Variants in SLC4A10 observed in about 807,000 individuals in gnomAD.
The protein encoded by SLC4A10 is solute carrier family 4 member 10, also known as sodium-driven chloride bicarbonate exchanger.
Under a neutral mutation model 137.7 loss-of-function variants are expected in SLC4A10, and 42 were observed. The ratio of observed to expected loss-of-function variants is 0.30; its 90% CI spans 0.24 to 0.39. The LOEUF is 0.39. Ranked by LOEUF, SLC4A10 falls within the 10% of genes least tolerant of loss-of-function variation. SLC4A10 has a pLI of 1.00. For synonymous variants in SLC4A10, 474 were observed against 464.1 expected (o/e 1.02, Z -0.27); for missense variants, 925 against 1,355.0 (o/e 0.68, Z 4.98).
intron 1 of SLC4A10, among the ~76,000 whole-genome samples, chr2:161,688,764 G>T (rs1468910700): frequency 2.0e-5 from 3 of 152,098 alleles, no homozygotes; most frequent in African/African-American, 7.2e-5. Flanking sequence ...GGAAAATCAT[G>T]ATAACGTTTG....
chr2:161,786,093 G>A (rs1279436077), intron 2 of SLC4A10, among the ~76,000 whole-genome samples: 1 of 151,688 alleles, frequency 6.6e-6, no homozygotes, highest in Admixed American at 6.6e-5. Context: ...TTATAAATCT[G>A]GGTGGTCAGG....
At chr2:161,645,188 A>G (rs538230581) in intron 1 of SLC4A10, among the ~76,000 whole-genome samples, 21 of 151,510 alleles carry the variant, frequency 1.4e-4, no homozygotes, top group African/African-American at 5.1e-4. Context: ...TACTTTATTT[A>G]TTGACATCCA....
At chr2:161,691,746 T>C (rs2042023098) in intron 1 of SLC4A10, among the ~76,000 whole-genome samples, 1 of 152,244 alleles carries the variant, frequency 6.6e-6, no homozygotes, top group East Asian at 1.9e-4. Flanking sequence ...GAGGAGATAA[T>C]CTTGTAGAGG....
rs142216413 is a variant in SLC4A10, at chr2:161,670,798, C to A, written c.48+46232C>A. 6.6e-3 allele frequency among the ~76,000 whole-genome samples: 997 copies of A among 152,050 alleles called. 6 individuals are homozygous for A. The highest frequency in any genetic ancestry group is 0.023 in the African/African-American group (945 of 41,490). ...TTCTTTCTACTTCAGTATGACATTT[C>A]CTGTAGTCAGGAAATTAAATTCTCC... is the stretch of plus-strand genomic sequence containing the variant. On this transcript the variant is annotated intron_variant, in intron 1 of 26. Coordinates refer to ENST00000446997, the MANE Select transcript of SLC4A10 (RefSeq NM_001178015.2).
chr2:161,628,437 G>A (rs1290176353), intron 1 of SLC4A10, among the ~76,000 whole-genome samples: 1 of 151,958 alleles, frequency 6.6e-6, no homozygotes, highest in Non-Finnish European at 1.5e-5. Flanking sequence ...TTTAGAAAAT[G>A]CTAATTCCAT....
chr2:161,647,473 A>G (rs879733954), intron 1 of SLC4A10, among the ~76,000 whole-genome samples: 8 of 152,070 alleles, frequency 5.3e-5, no homozygotes, highest in Non-Finnish European at 8.8e-5. Flanking sequence ...TTTGATCAAT[A>G]TCTTAGATCA....
chr2:161,887,293 T>C (rs1051024968), intron 10 of SLC4A10, among the ~76,000 whole-genome samples: 3 of 152,198 alleles, frequency 2.0e-5, no homozygotes, highest in African/African-American at 7.2e-5. Context: ...AACGTATCTT[T>C]ATAGTAGAAT....
At chr2:161,754,467 T>G (rs1293672726) in intron 1 of SLC4A10, among the ~76,000 whole-genome samples, 1 of 152,204 alleles carries the variant, frequency 6.6e-6, no homozygotes, top group African/African-American at 2.4e-5. Flanking sequence ...TCTGAGACAT[T>G]GTTCTCATAT....
chr2:161,808,233 AT>A (rs1473631588), intron 3 of SLC4A10, among the ~76,000 whole-genome samples: 1 of 152,102 alleles, frequency 6.6e-6, no homozygotes, highest in East Asian at 1.9e-4. Context: ...TCAAATATTC[AT>A]TAAGCATATT....
Position 161,974,152 on chromosome 2 carries a change from G to A in SLC4A10, c.3160-97G>A, listed in dbSNP as rs1276600023. ...TGCAAACAGAGTGGAAGGTCTTGAGGTTAATGAGATAATGAAACATTAATC... is the reference window on the plus strand; with the variant it reads ...TGCAAACAGAGTGGAAGGTCTTGAGATTAATGAGATAATGAAACATTAATC... On this transcript the variant is annotated intron_variant, in intron 23 of 26. Transcript: ENST00000446997. 5.9e-6 allele frequency: 6 copies of A among 1,011,740 alleles called. No homozygotes were observed. In the East Asian group the frequency reaches 7.9e-5, roughly 13 times the overall value. 62.7% of individuals were successfully genotyped at this position (1,011,740 alleles called of 1,614,324 possible). A position where few individuals can be genotyped will look rare whatever the true frequency, so the allele number is the denominator to read the frequency against.
intron 2 of SLC4A10, among the ~76,000 whole-genome samples, chr2:161,785,550 C>T (rs561284849): frequency 6.1e-4 from 92 of 151,594 alleles, no homozygotes; most frequent in African/African-American, 2.2e-3. Flanking sequence ...CAATGGATAC[C>T]CTGGGCTGGG....
intron 1 of SLC4A10, among the ~76,000 whole-genome samples, chr2:161,664,452 A>G (rs1187147621): frequency 6.6e-6 from 1 of 151,938 alleles, no homozygotes; most frequent in Non-Finnish European, 1.5e-5. Context: ...AATCAGATAT[A>G]ATGACACATG....
Position 161,640,593 on chromosome 2 carries a change from TTTCCTTCC to T in SLC4A10, c.48+16087_48+16094del, listed in dbSNP as rs1245696506. 7.6e-3 allele frequency among the ~76,000 whole-genome samples: 908 copies of T among 119,284 alleles called. 13 individuals carry two copies. The highest frequency in any genetic ancestry group is 0.022 in the African/African-American group (666 of 30,798). The allele number at this position is 119,284 out of a possible 152,430, so 78.3% of individuals were successfully genotyped here. A position where few individuals can be genotyped will look rare whatever the true frequency, so the allele number is the denominator to read the frequency against. On this transcript the variant is annotated intron_variant, in intron 1 of 26. Coordinates refer to ENST00000446997, the MANE Select transcript of SLC4A10 (RefSeq NM_001178015.2). ...CTCTATGAAGTAAGCTTTCTCTTTC[TTTCCTTCC>T]TTCCTTCCTTCCTTCCTTCCTTCCT...
At chr2:161,978,194 C>T (rs1023609834) in intron 26 of SLC4A10, among the ~76,000 whole-genome samples, 4 of 151,668 alleles carry the variant, frequency 2.6e-5, no homozygotes, top group South Asian at 2.1e-4. Flanking sequence ...AGACAAGCTT[C>T]GTCAACATGG....
chr2:161,714,690 G>A (rs1270487225), intron 1 of SLC4A10, among the ~76,000 whole-genome samples: 1 of 151,890 alleles, frequency 6.6e-6, no homozygotes, highest in Non-Finnish European at 1.5e-5. Flanking sequence ...AAGGAGCTAG[G>A]GCTCCAGAGC....
chr2:161,718,462 A>T (rs939289802), intron 1 of SLC4A10, among the ~76,000 whole-genome samples: 1 of 152,180 alleles, frequency 6.6e-6, no homozygotes, highest in Non-Finnish European at 1.5e-5. Context: ...CCCTCTTAAC[A>T]CTGCTTTAGC....
At position 161,669,190 on chromosome 2, in the gene SLC4A10, A is replaced by G. The variant is rs556913601; in HGVS notation, c.48+44624A>G. 3.5e-4 allele frequency among the ~76,000 whole-genome samples: 53 copies of G among 151,984 alleles called. 2 individuals carry two copies. In the South Asian group the frequency reaches 0.011, roughly 31 times the overall value. On this transcript the variant is annotated intron_variant, in intron 1 of 26. Coordinates refer to ENST00000446997, the MANE Select transcript of SLC4A10 (RefSeq NM_001178015.2). The stretch of plus-strand genomic sequence containing the variant: ...TAGCCCACTAGTTTGACTGTCTTTT[A>G]TTTTTACGAAGAAACAGCTAAATTC...
At chr2:161,732,238 T>TG (rs1430668870) in intron 1 of SLC4A10, among the ~76,000 whole-genome samples, 3 of 152,196 alleles carry the variant, frequency 2.0e-5, no homozygotes, top group Non-Finnish European at 2.9e-5. Context: ...CCCCAGAGGT[T>TG]GGGGGGTGGA....
intron 1 of SLC4A10, among the ~76,000 whole-genome samples, chr2:161,764,106 A>G (rs964506841): frequency 1.3e-5 from 2 of 152,184 alleles, no homozygotes; most frequent in East Asian, 1.9e-4. Flanking sequence ...TGGCTATTCA[A>G]ATGCCTCTCA....
Sources: allele counts gnomAD v4.1 joint callset (sites outside exome capture counted in the v4.1 genomes callset), GRCh38; gene constraint gnomAD v4.1.1; transcripts MANE v1.5; gene names NCBI Gene and HGNC (gene_info 2026-07-23, HGNC 2026-07-21).